VIL1: variants seen among roughly 807,000 people sequenced by gnomAD.
VIL1 encodes the protein villin-1.
Under a neutral mutation model 104.0 loss-of-function variants are expected in VIL1, and 86 were observed. That is an observed-to-expected ratio of 0.83 (90% CI 0.69 to 0.99). The LOEUF (loss-of-function observed/expected upper bound fraction) is 0.99, where lower values mean the gene tolerates loss of function less well. Ranked by LOEUF, VIL1 falls within the 50% of genes least tolerant of loss-of-function variation. VIL1 has a pLI of 0.00. For missense variants in VIL1, 944 were observed against 1,054.1 expected (o/e 0.90, Z 1.45); for synonymous variants, 394 against 412.6 (o/e 0.95, Z 0.55).
In VIL1 at chr2:218,427,981, G is replaced by A. The variant is rs763773403; in HGVS notation, c.364G>A (p.Val122Met). ...TCTTCTCAGGATCCGGAAAGGGGGCGTGGCTTCTGGCATGAAGCACGTGGA... is the reference window on the plus strand; with the variant it reads ...TCTTCTCAGGATCCGGAAAGGGGGCATGGCTTCTGGCATGAAGCACGTGGA... ...KQGLVIRKGG[V>M]ASGMKHVETN... is the part of the protein sequence containing the mutation. Residue 122 changes from valine to methionine, a missense_variant, in exon 5 of 20, where the codon GTG (valine) becomes ATG (methionine). Coordinates refer to ENST00000248444, the MANE Select transcript of VIL1 (RefSeq NM_007127.3). 3.5e-5 allele frequency: 56 copies of A among 1,613,942 alleles called. No individual in the cohort carries two copies. Among genetic ancestry groups the A allele is most frequent in the Non-Finnish European group, 4.3e-5 (51 of 1,180,010 alleles).
chr2:218,426,561 C>T (rs1005232272), intron 4 of VIL1, among the ~76,000 whole-genome samples: 6 of 150,522 alleles, frequency 4.0e-5, no homozygotes, highest in Non-Finnish European at 8.9e-5. Context: ...CCCACCTCAG[C>T]CTCTTGAGTA....
At chr2:218,427,756 G>A (rs758437186) in intron 4 of VIL1, among the ~76,000 whole-genome samples, 7 of 152,124 alleles carry the variant, frequency 4.6e-5, no homozygotes, top group Non-Finnish European at 8.8e-5. Flanking sequence ...TGTCAGGGTC[G>A]TGCAAGGGCA....
chr2:218,429,746 G>C lies in VIL1; in HGVS notation c.849+71G>C, dbSNP rs1004580124. On this transcript the variant is annotated intron_variant, in intron 8 of 19. Coordinates refer to ENST00000248444, the MANE Select transcript of VIL1 (RefSeq NM_007127.3). ...TTTCCCTCAAGCAGGAAAAATTCCA[G>C]GGGGCTTGGGGTGGGCCTGGGAGGG... 17 of 1,605,362 alleles carry C rather than the reference G, an allele frequency of 1.1e-5. No homozygotes were observed. In the African/African-American group the frequency reaches 2.3e-4, roughly 21 times the overall value.
At chr2:218,433,914 A>T (rs954741248) in intron 13 of VIL1, among the ~76,000 whole-genome samples, 1 of 146,492 alleles carries the variant, frequency 6.8e-6, no homozygotes, top group Non-Finnish European at 1.5e-5. Context: ...AAAAAAAAAA[A>T]GGCTAGGCGC....
rs374273237 is a variant in VIL1, at chr2:218,425,671, C to T, written c.207C>T (p.Asp69=). ...ACATCCACTACTGGATTGGCCAGGA[C>T]TCATCCCTGGATGAGCAGGGGGCAG... ...SYDIHYWIGQ[D]SSLDEQGAAA... The change falls in exon 4 of 20, where the codon GAC becomes GAT. Residue 69 remains aspartate (D), a synonymous_variant. Transcript: ENST00000248444. The T allele has an allele frequency of 6.2e-7, 1 of 1,614,114 alleles. No homozygotes were observed. Among genetic ancestry groups the T allele is most frequent in the Non-Finnish European group, 8.5e-7 (1 of 1,180,056 alleles).
At position 218,453,189 on chromosome 2, in the gene VIL1, G is replaced by C. The variant is rs1689535871; in HGVS notation, c.*3853G>C. The C allele has an allele frequency of 1.3e-5, 2 of 151,994 alleles. No homozygotes were observed. Among genetic ancestry groups the C allele is most frequent in the African/African-American group, 2.4e-5 (1 of 41,384 alleles). 9.4% of individuals were successfully genotyped at this position (151,994 alleles called of 1,614,324 possible). On this transcript the variant is annotated 3_prime_UTR_variant, in exon 20 of 20. Transcript: ENST00000248444. ...CATCCAAGTTCCAAGAGTAGGACTG[G>C]AGCTCTCTTAAGGCAATCTTTCAGA...
At chr2:218,437,749 C>CA (rs144505147) in intron 17 of VIL1, among the ~76,000 whole-genome samples, 166 of 152,322 alleles carry the variant, frequency 1.1e-3, no homozygotes, top group African/African-American at 3.9e-3. Flanking sequence ...AAAGGACTGA[C>CA]AAATGTCTTC....
At chr2:218,431,033 C>T in intron 10 of VIL1, 155 bp downstream of exon 10, 1 of 1,013,370 alleles carries the variant, frequency 9.9e-7, no homozygotes, top group Non-Finnish European at 1.4e-6. Flanking sequence ...GGGACGTGGA[C>T]AAACTCTAGT....
chr2:218,440,867 G>A lies in VIL1; in HGVS notation c.2370+5G>A. On this transcript the variant is annotated splice_donor_5th_base_variant and intron_variant, in intron 19 of 19. Transcript: ENST00000248444. ...GTGGACCCCAGCAGGAAGGAGGTAG[G>A]TCAGATTCTCAAAGGAAGACAAAGA... 6 of 1,613,734 alleles carry A rather than the reference G, an allele frequency of 3.7e-6. No homozygotes were observed. The highest frequency in any genetic ancestry group is 5.1e-6 in the Non-Finnish European group (6 of 1,179,838).
In VIL1 at chr2:218,437,308, G is replaced by A; in HGVS notation, c.2156G>A (p.Trp719Ter). The A allele has an allele frequency of 6.2e-7, 1 of 1,613,562 alleles. No homozygotes were observed. Among genetic ancestry groups the A allele is most frequent in the Middle Eastern group, 1.7e-4 (1 of 5,872 alleles). ...TTCCTGGCTTGGGATCCCTTCAAGT[G>A]GAGTGTGAGTGGCCTCATCCCAGCA... The part of the protein sequence containing the change: ...GWFLAWDPFK[W>*]SNTKSYEDLK... The change falls in exon 17 of 20, where the codon TGG (tryptophan) becomes TAG (stop). Residue 719 changes from tryptophan to a stop codon, truncating the protein, a stop_gained. Coordinates refer to ENST00000248444, the MANE Select transcript of VIL1 (RefSeq NM_007127.3). LOFTEE classifies it high-confidence loss of function.
chr2:218,443,582 TAGAC>T lies in VIL1; in HGVS notation c.2370+2725_2370+2728del, dbSNP rs927350380. On this transcript the variant is annotated intron_variant, in intron 19 of 19. Coordinates refer to ENST00000248444, the MANE Select transcript of VIL1 (RefSeq NM_007127.3). ...GCAGAAATGGATTGCTAATTTTAAA[TAGAC>T]AGACTCAAGACAGCCCCATTATGGT... 6.6e-5 allele frequency among the ~76,000 whole-genome samples: 10 copies of T among 152,182 alleles called. No individual in the cohort carries two copies. The South Asian group carries it at 8.3e-4, about 13-fold the overall frequency.
intron 7 of VIL1, 22 bp from the exon 8 acceptor site, chr2:218,429,575 A>G: frequency 6.2e-7 from 1 of 1,614,048 alleles, no homozygotes; most frequent in Non-Finnish European, 8.5e-7. Context: ...CTCCCCATCT[A>G]TGCCTTGCTT....
In VIL1 at chr2:218,424,484, A is replaced by G. The variant is rs189606618; in HGVS notation, c.150+133A>G. On this transcript the variant is annotated intron_variant, in intron 3 of 19. Transcript: ENST00000248444. ...AGACACAATTTACTGGGTATGCCCA[A>G]GTGCCCAACCCTGTGGGGGCTTCAC... 4.3e-5 allele frequency: 39 copies of G among 913,708 alleles called. 1 individual carries two copies. Among genetic ancestry groups the G allele is most frequent in the Non-Finnish European group, 5.8e-5 (34 of 588,830 alleles). 56.6% of individuals were successfully genotyped at this position (913,708 alleles called of 1,614,324 possible).
In VIL1 at chr2:218,449,269, C is replaced by A. The variant is rs1232140752; in HGVS notation, c.2417C>A (p.Pro806Gln). 1 of 1,614,068 alleles carries A rather than the reference C, an allele frequency of 6.2e-7. No homozygotes were observed. Among genetic ancestry groups the A allele is most frequent in the Non-Finnish European group, 8.5e-7 (1 of 1,179,958 alleles). The change falls in exon 20 of 20, where the codon CCA becomes CAA. Residue 806 changes from proline (P) to glutamine (Q), a missense_variant. Transcript: ENST00000248444. ...TTCACTCAGGCCTTTGGGATGACTCCAGCTGCCTTCTCTGCTCTGCCTCGA... is the reference window on the plus strand; with the variant it reads ...TTCACTCAGGCCTTTGGGATGACTCAAGCTGCCTTCTCTGCTCTGCCTCGA... ...EDFTQAFGMT[P>Q]AAFSALPRWK...
chr2:218,435,178 G>A, intron 14 of VIL1, 111 bp from the exon 15 acceptor site: 2 of 1,448,126 alleles, frequency 1.4e-6, no homozygotes, highest in Non-Finnish European at 9.4e-7. Context: ...GTATACACAA[G>A]GTCCTGACCC....
chr2:218,448,096 C>CA (rs1689395021), intron 19 of VIL1, among the ~76,000 whole-genome samples: 1 of 151,550 alleles, frequency 6.6e-6, no homozygotes, highest in Admixed American at 6.6e-5. Context: ...TTGATCTCTA[C>CA]AAAAAATACA....
At position 218,423,752 on chromosome 2, in the gene VIL1, A is replaced by G. The variant is rs1688931785; in HGVS notation, c.-11-16A>G. The G allele has an allele frequency of 1.9e-6, 3 of 1,613,560 alleles. No homozygotes were observed. Among genetic ancestry groups the G allele is most frequent in the South Asian group, 1.1e-5 (1 of 91,070 alleles). On this transcript the variant is annotated splice_polypyrimidine_tract_variant and intron_variant, in intron 1 of 19. Coordinates refer to ENST00000248444, the MANE Select transcript of VIL1 (RefSeq NM_007127.3). ...CGAACTCAGGGTGCCCCTGCTCCCAACGCCTTCTCCCCCAGGCTCACTCAC... is the reference window on the plus strand; with the variant it reads ...CGAACTCAGGGTGCCCCTGCTCCCAGCGCCTTCTCCCCCAGGCTCACTCAC...
intron 19 of VIL1, among the ~76,000 whole-genome samples, chr2:218,444,967 G>A (rs991250208): frequency 6.6e-6 from 1 of 152,226 alleles, no homozygotes; most frequent in Non-Finnish European, 1.5e-5. Flanking sequence ...GGCTGGACCA[G>A]AGAGAGCAAA....
rs1304586973 is a variant in VIL1 at position 218,428,048 on chromosome 2, G to T, written c.431G>T (p.Gly144Val). 8 of 1,614,044 alleles carry T rather than the reference G, an allele frequency of 5.0e-6. No individual in the cohort carries two copies. Among genetic ancestry groups the T allele is most frequent in the Non-Finnish European group, 6.8e-6 (8 of 1,180,030 alleles). ...GTCCAGAGGCTGCTGCATGTCAAGG[G>T]CAAGAGGAACGTGGTAGCTGGAGAG... Reference protein sequence around the residue: ...YDVQRLLHVKGKRNVVAGEVE... With the variant: ...YDVQRLLHVKVKRNVVAGEVE... Residue 144 changes from glycine to valine, a missense_variant, in exon 5 of 20, where the codon GGC becomes GTC. Transcript: ENST00000248444.
Sources: gnomAD v4.1 joint callset for allele counts (sites outside exome capture counted in the v4.1 genomes callset) on GRCh38, gnomAD v4.1.1 for gene constraint, MANE v1.5 for transcripts, NCBI Gene and HGNC (gene_info 2026-07-23, HGNC 2026-07-21) for gene names.